Variants in TSPAN31 observed in about 807,000 individuals in gnomAD.
TSPAN31 encodes tetraspanin-31.
In TSPAN31, 16 loss-of-function variants were observed where a neutral mutation model predicts 24.8. That is an observed-to-expected ratio of 0.64 (90% CI 0.44 to 0.98). TSPAN31 has a LOEUF of 0.98. TSPAN31 is among the 50% of genes least tolerant of loss of function. The probability of loss-of-function intolerance (pLI) is 0.00; values close to 1 mark genes in which losing one functional copy is unlikely to be tolerated. For synonymous variants in TSPAN31, 87 were observed against 91.4 expected, an observed-to-expected ratio of 0.95 and a Z score of 0.27; for missense variants, 209 against 251.6, an observed-to-expected ratio of 0.83 and a Z score of 1.15.
Position 57,746,623 on chromosome 12 carries a change from G to A in TSPAN31, c.347G>A (p.Ser116Asn). 3.1e-6 allele frequency: 5 copies of A among 1,614,110 alleles called. No individual in the cohort carries two copies. The highest frequency in any genetic ancestry group is 4.2e-6 in the Non-Finnish European group (5 of 1,180,030). Residue 116 changes from serine (S) to asparagine (N), a missense_variant, in exon 4 of 6, where the codon AGC becomes AAC. Ser to Asn is a conservative substitution (Grantham distance 46). Coordinates refer to ENST00000257910, the MANE Select transcript of TSPAN31 (RefSeq NM_005981.5). Reference sequence around the variant, plus strand: ...ATCAATGCTTCTTGGTGGGTCATGAGCAACAAGACTCGGGATGAACTGGAA... The same window carrying A: ...ATCAATGCTTCTTGGTGGGTCATGAACAACAAGACTCGGGATGAACTGGAA... ...DVINASWWVM[S>N]NKTRDELERS...
chr12:57,749,315 A>G lies in TSPAN31; in HGVS notation c.*2025A>G, dbSNP rs763984661. The G allele has an allele frequency of 6.2e-7, 1 of 1,614,206 alleles. No individual in the cohort carries two copies. Among genetic ancestry groups the G allele is most frequent in the South Asian group, 1.1e-5 (1 of 91,082 alleles). ...GTCATCCTCTGGAGGCAGCCCAATC[A>G]GGCTGTGGGGGACAGGAGAACTCTG... On this transcript the variant is annotated 3_prime_UTR_variant, in exon 6 of 6. Transcript: ENST00000257910.
Position 57,749,208 on chromosome 12 carries a change from C to T in TSPAN31, c.*1918C>T, listed in dbSNP as rs769226197. ...AGCAGCAGCTGTGCTCCCGACTCCT[C>T]CATCTCAGGTACCACCGACTGCACT... On this transcript the variant is annotated 3_prime_UTR_variant, in exon 6 of 6. Coordinates refer to ENST00000257910, the MANE Select transcript of TSPAN31 (RefSeq NM_005981.5). The T allele has an allele frequency of 6.2e-7, 1 of 1,614,044 alleles. No homozygotes were observed. Among genetic ancestry groups the T allele is most frequent in the Non-Finnish European group, 8.5e-7 (1 of 1,179,892 alleles).
intron 1 of TSPAN31, 108 bp from the exon 2 acceptor site, chr12:57,745,637 A>C (rs1955137858): frequency 2.9e-6 from 4 of 1,380,998 alleles, no homozygotes; most frequent in African/African-American, 2.9e-5. Context: ...CCATTCACAC[A>C]CTATTCCATT....
chr12:57,746,987 C>CA (rs1163157970), intron 4 of TSPAN31, 31 bp from the exon 5 acceptor site: 11 of 1,590,568 alleles, frequency 6.9e-6, no homozygotes, highest in Non-Finnish European at 9.5e-6. Flanking sequence ...TTTACATTCA[C>CA]AACTTTGCAT....
rs1276085061 is a variant in TSPAN31 at position 57,747,924 on chromosome 12, T to C, written c.*634T>C. The C allele has an allele frequency of 5.3e-6, 1 of 187,442 alleles. No homozygotes were observed. Among genetic ancestry groups the C allele is most frequent in the Non-Finnish European group, 1.1e-5 (1 of 88,648 alleles). The allele number at this position is 187,442 out of a possible 1,614,324, so 11.6% of individuals were successfully genotyped here. A position where few individuals can be genotyped will look rare whatever the true frequency, so the allele number is the denominator to read the frequency against. On this transcript the variant is annotated 3_prime_UTR_variant, in exon 6 of 6. Transcript: ENST00000257910. Reference sequence around the variant, plus strand: ...CGCCTGACTAATTTTGTATTTTTAGTAGAGACAGGGTTTCACCATGTTAGT... The same window carrying C: ...CGCCTGACTAATTTTGTATTTTTAGCAGAGACAGGGTTTCACCATGTTAGT...
At position 57,747,057 on chromosome 12, in the gene TSPAN31, G is replaced by A. The variant is rs1409204694; in HGVS notation, c.484G>A (p.Glu162Lys). The A allele has an allele frequency of 3.7e-6, 6 of 1,614,130 alleles. No homozygotes were observed. Among genetic ancestry groups the A allele is most frequent in the Non-Finnish European group, 5.1e-6 (6 of 1,180,054 alleles). ...SQSPTCQMCG[E>K]KFLKHSDEAL... ...GAGCCCCACATGCCAGATGTGTGGA[G>A]AAAAGTTTCTTAAGCATTCAGACGA... Residue 162 changes from glutamate to lysine, a missense_variant, in exon 5 of 6, where the codon GAA (glutamate) becomes AAA (lysine). Transcript: ENST00000257910.
chr12:57,749,121 C>G lies in TSPAN31; in HGVS notation c.*1831C>G, dbSNP rs1480993411. 5 of 1,605,924 alleles carry G rather than the reference C, an allele frequency of 3.1e-6. No homozygotes were observed. Among genetic ancestry groups the G allele is most frequent in the Non-Finnish European group, 4.3e-6 (5 of 1,172,640 alleles). On this transcript the variant is annotated 3_prime_UTR_variant, in exon 6 of 6. Transcript: ENST00000257910. ...ACCACAGTGGCCAGGGCCCTGCATA[C>G]TGCTCTATTTCTTTCCCCAGTCTCT...
chr12:57,745,938 C>A, intron 2 of TSPAN31, 26 bp downstream of exon 2: 1 of 1,570,502 alleles, frequency 6.4e-7, no homozygotes, highest in Non-Finnish European at 8.6e-7. Flanking sequence ...GTGATGGGGG[C>A]AACCGGGGGC....
At position 57,748,708 on chromosome 12, in the gene TSPAN31, C is replaced by CTT. The variant is rs545773931; in HGVS notation, c.*1432_*1433dup. The CTT allele has an allele frequency of 1.2e-3, 824 of 691,568 alleles. No individual in the cohort carries two copies. The highest frequency in any genetic ancestry group is 1.7e-3 in the East Asian group (59 of 35,068). 42.8% of individuals were successfully genotyped at this position (691,568 alleles called of 1,614,324 possible). On this transcript the variant is annotated 3_prime_UTR_variant, in exon 6 of 6. Transcript: ENST00000257910. ...CCTGGGATGAGCTTTCTTCTTTTTT[C>CTT]TTTTTTTTTTTTTTTGAGACGGAGT...
chr12:57,749,563 T>C lies in TSPAN31; in HGVS notation c.*2273T>C, dbSNP rs1955207678. 4 of 1,519,688 alleles carry C rather than the reference T, an allele frequency of 2.6e-6. No individual in the cohort carries two copies. The highest frequency in any genetic ancestry group is 3.7e-6 in the Non-Finnish European group (4 of 1,095,134). The allele number at this position is 1,519,688 out of a possible 1,614,324, so 94.1% of individuals were successfully genotyped here. On this transcript the variant is annotated 3_prime_UTR_variant, in exon 6 of 6. Coordinates refer to ENST00000257910, the MANE Select transcript of TSPAN31 (RefSeq NM_005981.5). Reference sequence around the variant, plus strand: ...TTTCAAAGATATCTTAGTTGAATGGTTACTGCTTAGTGGCTCAAAATAGGA... The same window carrying C: ...TTTCAAAGATATCTTAGTTGAATGGCTACTGCTTAGTGGCTCAAAATAGGA...
At position 57,746,744 on chromosome 12, in the gene TSPAN31, G is replaced by A. The variant is rs143079853; in HGVS notation, c.444+24G>A. 8.5e-5 allele frequency: 137 copies of A among 1,613,562 alleles called. No individual in the cohort carries two copies. In the African/African-American group the frequency reaches 1.5e-3, roughly 18 times the overall value. ...CAGTGAGTGTGTTGGGGGTGGTGCAGCAGCCAGGGGAGGTAGGAAACTGGG... is the reference window on the plus strand; with the variant it reads ...CAGTGAGTGTGTTGGGGGTGGTGCAACAGCCAGGGGAGGTAGGAAACTGGG... On this transcript the variant is annotated intron_variant, in intron 4 of 5. Transcript: ENST00000257910.
At position 57,749,935 on chromosome 12, in the gene TSPAN31, T is replaced by C. The variant is rs1032654801; in HGVS notation, c.*2645T>C. 5 of 265,540 alleles carry C rather than the reference T, an allele frequency of 1.9e-5. No individual in the cohort carries two copies. Among genetic ancestry groups the C allele is most frequent in the Non-Finnish European group, 3.7e-5 (5 of 136,260 alleles). 16.4% of individuals were successfully genotyped at this position (265,540 alleles called of 1,614,324 possible). A position where few individuals can be genotyped will look rare whatever the true frequency, so the allele number is the denominator to read the frequency against. ...TTGCTTGAATCTGGGAGGTGGAGGT[T>C]GCAGTGAGCAGAGATCGCACTACTG... On this transcript the variant is annotated 3_prime_UTR_variant, in exon 6 of 6. Coordinates refer to ENST00000257910, the MANE Select transcript of TSPAN31 (RefSeq NM_005981.5).
rs185372223 is a variant in TSPAN31 at position 57,749,139 on chromosome 12, C to A, written c.*1849C>A. The A allele has an allele frequency of 3.3e-4, 540 of 1,613,170 alleles. 1 individual carries two copies. In the African/African-American group the frequency reaches 6.4e-3, roughly 19 times the overall value. Reference sequence around the variant, plus strand: ...CTGCATACTGCTCTATTTCTTTCCCCAGTCTCTATTTCTTTCCCTGTGCCC... The same window carrying A: ...CTGCATACTGCTCTATTTCTTTCCCAAGTCTCTATTTCTTTCCCTGTGCCC... On this transcript the variant is annotated 3_prime_UTR_variant, in exon 6 of 6. Transcript: ENST00000257910.
intron 3 of TSPAN31, 57 bp downstream of exon 3, chr12:57,746,313 C>T (rs1955149839): frequency 1.3e-6 from 2 of 1,493,566 alleles, no homozygotes; most frequent in Non-Finnish European, 1.9e-6. Context: ...CTCTTAACCT[C>T]GAACTCCTTC....
In TSPAN31 at chr12:57,749,877, G is replaced by T; in HGVS notation, c.*2587G>T. ...CTGAGCATGGTGGCGTGCACCTGTG[G>T]TCCCAGCTACTTGGGAGGCTGAGTC... On this transcript the variant is annotated 3_prime_UTR_variant, in exon 6 of 6. Transcript: ENST00000257910. The T allele has an allele frequency of 3.2e-6, 1 of 310,214 alleles. No individual in the cohort carries two copies. Among genetic ancestry groups the T allele is most frequent in the South Asian group, 2.9e-5 (1 of 34,014 alleles). The allele number at this position is 310,214 out of a possible 1,614,324, so 19.2% of individuals were successfully genotyped here.
Position 57,748,655 on chromosome 12 carries a change from A to G in TSPAN31, c.*1365A>G. On this transcript the variant is annotated 3_prime_UTR_variant, in exon 6 of 6. Transcript: ENST00000257910. Reference sequence around the variant, plus strand: ...GCAAAGGTCAGAAAACCATGAAGAAAACAGACTTCTGCCCACCCACAACAA... The same window carrying G: ...GCAAAGGTCAGAAAACCATGAAGAAGACAGACTTCTGCCCACCCACAACAA... 1 of 1,407,888 alleles carries G rather than the reference A, an allele frequency of 7.1e-7. No individual in the cohort carries two copies. Among genetic ancestry groups the G allele is most frequent in the Non-Finnish European group, 1.0e-6 (1 of 992,480 alleles). The allele number at this position is 1,407,888 out of a possible 1,614,324, so 87.2% of individuals were successfully genotyped here. A position where few individuals can be genotyped will look rare whatever the true frequency, so the allele number is the denominator to read the frequency against.
Position 57,748,632 on chromosome 12 carries a change from A to C in TSPAN31, c.*1342A>C, listed in dbSNP as rs1955188582. ...GTCAGCATTTCCTGAGGGGAGAGGC[A>C]AAGGTCAGAAAACCATGAAGAAAAC... On this transcript the variant is annotated 3_prime_UTR_variant, in exon 6 of 6. Coordinates refer to ENST00000257910, the MANE Select transcript of TSPAN31 (RefSeq NM_005981.5). 1.3e-6 allele frequency: 2 copies of C among 1,573,852 alleles called. No homozygotes were observed. Among genetic ancestry groups the C allele is most frequent in the Non-Finnish European group, 1.7e-6 (2 of 1,143,340 alleles).
rs772654769 is a variant in TSPAN31, at chr12:57,749,215, A to G, written c.*1925A>G. 1 of 1,613,800 alleles carries G rather than the reference A, an allele frequency of 6.2e-7. No individual in the cohort carries two copies. Among genetic ancestry groups the G allele is most frequent in the South Asian group, 1.1e-5 (1 of 91,058 alleles). ...GCTGTGCTCCCGACTCCTCCATCTC[A>G]GGTACCACCGACTGCACTGGGCGGG... On this transcript the variant is annotated 3_prime_UTR_variant, in exon 6 of 6. Transcript: ENST00000257910.
Position 57,749,294 on chromosome 12 carries a change from T to A in TSPAN31, c.*2004T>A, listed in dbSNP as rs1403703683. 6.2e-7 allele frequency: 1 copy of A among 1,614,160 alleles called. No homozygotes were observed. The highest frequency in any genetic ancestry group is 1.7e-5 in the Admixed American group (1 of 60,022). ...CAGGGATACATCTCGAGGCCAGTCA[T>A]CCTCTGGAGGCAGCCCAATCAGGCT... On this transcript the variant is annotated 3_prime_UTR_variant, in exon 6 of 6. Transcript: ENST00000257910.
Sources: allele counts gnomAD v4.1 joint callset, GRCh38; gene constraint gnomAD v4.1.1; transcripts MANE v1.5; gene names NCBI Gene and HGNC (gene_info 2026-07-23, HGNC 2026-07-21).